The following NRXN3 variants were observed in gnomAD, a reference collection of about 807,000 sequenced individuals.
NRXN3 encodes neurexin 3.
A neutral mutation model predicts 137.6 loss-of-function variants in NRXN3; 32 were observed. That is an observed-to-expected ratio of 0.23 (90% confidence interval 0.18 to 0.31). The LOEUF (loss-of-function observed/expected upper bound fraction) is 0.31, where lower values mean the gene tolerates loss of function less well. Among genes scored for constraint, NRXN3 ranks in the 10% least tolerant of loss-of-function variants. NRXN3 has a pLI of 1.00. For missense variants in NRXN3, 1,574 were observed against 2,062.5 expected (o/e 0.76, Z 4.59); for synonymous variants, 798 against 784.5 (o/e 1.02, Z -0.29).
intron 4 of NRXN3, among the ~76,000 whole-genome samples, chr14:78,486,623 G>A (rs1241176876): frequency 6.6e-6 from 1 of 152,208 alleles, no homozygotes; most frequent in Non-Finnish European, 1.5e-5. Context: ...TCTGGTGAAA[G>A]AGTGGGCTTA....
intron 19 of NRXN3, chr14:79,791,208 G>T (rs898160166): frequency 6.6e-6 from 1 of 152,070 alleles, no homozygotes; most frequent in Admixed American, 6.6e-5. Context: ...AATGTCACCT[G>T]GTGACTAATG....
rs1203427145 is a variant in NRXN3 at position 79,448,584 on chromosome 14, A to G, written c.3263-18637A>G. Among the ~76,000 whole-genome samples the G allele has an allele frequency of 1.4e-4, 21 of 152,196 alleles. 1 individual carries two copies. Reference sequence around the variant, plus strand: ...GATTATCTTTAGGCAGAGGATAGAGAATAAGACTTTTTAGTACATATTTAA... The same window carrying G: ...GATTATCTTTAGGCAGAGGATAGAGGATAAGACTTTTTAGTACATATTTAA... On this transcript the variant is annotated intron_variant, in intron 15 of 20. Transcript: ENST00000335750.
rs562627300 is a variant in NRXN3 at position 78,705,076 on chromosome 14, C to T, written c.1222-4141C>T. ...CCCATGGGTGGGATAGTAAGACCAG[C>T]TTGTCACTGTTTGTGACTCTGCTTC... On this transcript the variant is annotated intron_variant, in intron 6 of 20. Coordinates refer to ENST00000335750, the MANE Select transcript of NRXN3 (RefSeq NM_001330195.2). Among the ~76,000 whole-genome samples the T allele has an allele frequency of 3.3e-5, 5 of 152,324 alleles. No individual in the cohort carries two copies. In the South Asian group the frequency reaches 8.3e-4, roughly 25 times the overall value.
intron 1 of NRXN3, among the ~76,000 whole-genome samples, chr14:78,190,319 TAAC>T (rs1056542295): frequency 3.3e-5 from 5 of 152,106 alleles, no homozygotes; most frequent in Non-Finnish European, 7.4e-5. Flanking sequence ...CATTGCAAAA[TAAC>T]AACACAAACT....
intron 15 of NRXN3, among the ~76,000 whole-genome samples, chr14:78,991,097 A>G (rs1400790441): frequency 1.3e-5 from 2 of 152,244 alleles, no homozygotes. Flanking sequence ...GAATAGGCTC[A>G]TGCTTATCAT....
At chr14:79,152,824 A>G (rs2059922535) in intron 15 of NRXN3, among the ~76,000 whole-genome samples, 1 of 152,030 alleles carries the variant, frequency 6.6e-6, no homozygotes, top group Admixed American at 6.6e-5. Flanking sequence ...AGAGGCACAC[A>G]CAATTTTATG....
chr14:79,219,200 G>A (rs2069077150), intron 15 of NRXN3, among the ~76,000 whole-genome samples: 1 of 152,174 alleles, frequency 6.6e-6, no homozygotes, highest in South Asian at 2.1e-4. Context: ...ATAGCTCACT[G>A]TAATCTCGAA....
rs569390437 is a variant in NRXN3, at chr14:79,443,978, T to A, written c.3263-23243T>A. The stretch of plus-strand genomic sequence containing the variant: ...ATTATCCAGCTGTTGGGGTGCTGGG[T>A]AGAGAAGGAAGGGAGGAGGAGGAAA... On this transcript the variant is annotated intron_variant, in intron 15 of 20. Coordinates refer to ENST00000335750, the MANE Select transcript of NRXN3 (RefSeq NM_001330195.2). Among the ~76,000 whole-genome samples, 6 of 152,092 alleles carry A rather than the reference T, an allele frequency of 3.9e-5. No individual in the cohort carries two copies. The South Asian group carries it at 1.0e-3, about 26-fold the overall frequency.
At chr14:79,428,169 T>C (rs1380060312) in intron 15 of NRXN3, among the ~76,000 whole-genome samples, 1 of 152,216 alleles carries the variant, frequency 6.6e-6, no homozygotes, top group Non-Finnish European at 1.5e-5. Context: ...CATGCCCCCA[T>C]CTAACCTTGA....
chr14:79,596,715 C>T (rs60596237), intron 16 of NRXN3, among the ~76,000 whole-genome samples: 52,601 of 151,458 alleles, frequency 0.35, 9,702 homozygotes, highest in African/African-American at 0.47. Flanking sequence ...GGAAGTTATC[C>T]TGGGGCTGAC....
At chr14:78,463,054 G>A (rs1033608014) in intron 4 of NRXN3, among the ~76,000 whole-genome samples, 2 of 152,144 alleles carry the variant, frequency 1.3e-5, no homozygotes, top group Admixed American at 1.3e-4. Flanking sequence ...GTACACCCAC[G>A]TGTACTCATT....
At chr14:78,805,052 A>T (rs1339246807) in intron 9 of NRXN3, among the ~76,000 whole-genome samples, 1 of 152,190 alleles carries the variant, frequency 6.6e-6, no homozygotes, top group Non-Finnish European at 1.5e-5. Context: ...AATCCATACC[A>T]ATCTTATCTG....
intron 15 of NRXN3, among the ~76,000 whole-genome samples, chr14:79,302,787 G>A (rs1005355489): frequency 6.6e-6 from 1 of 151,906 alleles, no homozygotes; most frequent in Non-Finnish European, 1.5e-5. Context: ...TGCCATGATT[G>A]TAAGTTTCCT....
chr14:78,418,197 G>A (rs1598429023), intron 4 of NRXN3, among the ~76,000 whole-genome samples: 1 of 152,192 alleles, frequency 6.6e-6, no homozygotes, highest in African/African-American at 2.4e-5. Context: ...TTACTAGTTA[G>A]CATTACGTGA....
At chr14:78,548,063 T>C (rs2152153233) in intron 4 of NRXN3, among the ~76,000 whole-genome samples, 1 of 152,332 alleles carries the variant, frequency 6.6e-6, no homozygotes, top group South Asian at 2.1e-4. Context: ...TTTAGGGATG[T>C]CCCTTGTTAT....
chr14:78,764,561 C>G (rs1222481828), intron 8 of NRXN3, among the ~76,000 whole-genome samples: 6 of 152,196 alleles, frequency 3.9e-5, no homozygotes, highest in African/African-American at 1.2e-4. Context: ...CCCCCACCAC[C>G]TCTTCTGGCT....
chr14:78,190,652 TTTACTTAC>T (rs200502082), intron 1 of NRXN3, among the ~76,000 whole-genome samples: 9 of 67,432 alleles, frequency 1.3e-4, no homozygotes, highest in East Asian at 5.9e-4. Context: ...TATTTATTTA[TTTACTTAC>T]TTACTTACTT....
At chr14:78,549,610 A>AT (rs2096667621) in intron 4 of NRXN3, among the ~76,000 whole-genome samples, 1 of 152,172 alleles carries the variant, frequency 6.6e-6, no homozygotes, top group African/African-American at 2.4e-5. Context: ...CCCAGTGGAT[A>AT]TTTTTTGAAT....
At chr14:79,377,147 T>G (rs1566952835) in intron 15 of NRXN3, among the ~76,000 whole-genome samples, 1 of 152,222 alleles carries the variant, frequency 6.6e-6, no homozygotes, top group Non-Finnish European at 1.5e-5. Context: ...GATGTTTACT[T>G]AAGAAGAGAT....
Sources: allele counts gnomAD v4.1 joint callset (sites outside exome capture counted in the v4.1 genomes callset), GRCh38; gene constraint gnomAD v4.1.1; transcripts MANE v1.5; gene names NCBI Gene and HGNC (gene_info 2026-07-23, HGNC 2026-07-21).